The following COPB1 variants were observed in gnomAD, a reference collection of about 807,000 sequenced individuals.
COPB1 encodes coatomer subunit beta.
Under a neutral mutation model 108.7 loss-of-function variants are expected in COPB1, and 21 were observed. The ratio of observed to expected loss-of-function variants is 0.19; its 90% CI spans 0.14 to 0.28. COPB1 has a LOEUF of 0.28. Ranked by LOEUF, COPB1 falls within the 10% of genes least tolerant of loss-of-function variation. The pLI, the probability that COPB1 is intolerant of heterozygous loss-of-function variation, is 1.00. For synonymous variants in COPB1, 378 were observed against 386.8 expected (o/e 0.98, Z 0.27); for missense variants, 919 against 1,141.3 (o/e 0.81, Z 2.81).
At chr11:14,493,903 G>A in intron 3 of COPB1, 92 bp from the exon 4 acceptor site, 3 of 1,163,408 alleles carry the variant, frequency 2.6e-6, no homozygotes, top group East Asian at 5.2e-5. Context: ...AAAAAAATAC[G>A]TTTGAGAAAA....
At chr11:14,485,740 C>A (rs1174487220) in intron 7 of COPB1, among the ~76,000 whole-genome samples, 5 of 151,990 alleles carry the variant, frequency 3.3e-5, no homozygotes. Context: ...CCCAGCTACT[C>A]GGGAAGCTGA....
chr11:14,476,822 A>G (rs1231095276), intron 12 of COPB1, 97 bp downstream of exon 12: 3 of 705,288 alleles, frequency 4.3e-6, no homozygotes, highest in Non-Finnish European at 7.4e-6. Context: ...AATCTAACTC[A>G]GAAGTGTAAA....
intron 1 of COPB1, among the ~76,000 whole-genome samples, chr11:14,499,385 A>G (rs1851100137): frequency 6.6e-6 from 1 of 152,170 alleles, no homozygotes; most frequent in African/African-American, 2.4e-5. Context: ...TTCCGACTCT[A>G]TGTCCGCGGG....
chr11:14,494,326 G>C lies in COPB1; in HGVS notation c.205C>G (p.Leu69Val), dbSNP rs775053882. The C allele has an allele frequency of 6.2e-7, 1 of 1,613,504 alleles. No homozygotes were observed. Among genetic ancestry groups the C allele is most frequent in the South Asian group, 1.1e-5 (1 of 91,070 alleles). Residue 69 changes from leucine (L) to valine (V), a missense_variant, in exon 3 of 22, where the codon CTT (leucine) becomes GTT (valine). Around this residue, in one of 5 missense-constraint regions of COPB1, gnomAD observed 92 missense variants for 108.4 expected, o/e 0.85. Coordinates refer to ENST00000439561, the MANE Select transcript of COPB1 (RefSeq NM_001144061.2). ...LMTIIRFVLPLQDHTIKKLLL... is the reference protein window; with the variant it reads ...LMTIIRFVLPVQDHTIKKLLL... Reference sequence around the variant, plus strand: ...AATTTCTTGATAGTGTGATCCTGAAGAGGTAGCACAAAACGAATGATGGTC... The same window carrying C: ...AATTTCTTGATAGTGTGATCCTGAACAGGTAGCACAAAACGAATGATGGTC...
At chr11:14,477,915 A>G (rs1589960275) in intron 11 of COPB1, among the ~76,000 whole-genome samples, 1 of 150,514 alleles carries the variant, frequency 6.6e-6, no homozygotes, top group East Asian at 1.9e-4. Context: ...AAAAAAAAAA[A>G]GAACTGCCTG....
At chr11:14,487,927 A>G (rs1379231665) in intron 6 of COPB1, among the ~76,000 whole-genome samples, 1 of 152,194 alleles carries the variant, frequency 6.6e-6, no homozygotes, top group Non-Finnish European at 1.5e-5. Flanking sequence ...ATCTTCTTGT[A>G]CCTTTTATCA....
intron 11 of COPB1, 26 bp from the exon 12 acceptor site, chr11:14,477,041 T>C (rs1448031785): frequency 7.1e-7 from 1 of 1,417,706 alleles, no homozygotes; most frequent in Non-Finnish European, 9.9e-7. Context: ...ATCTGAAACA[T>C]GAACTTGGCA....
intron 12 of COPB1, 126 bp downstream of exon 12, chr11:14,476,788 ACACAG>A: frequency 3.3e-6 from 2 of 598,958 alleles, no homozygotes; most frequent in Non-Finnish European, 5.8e-6. Context: ...TTTTTAATAA[ACACAG>A]AACATTTTGT....
At chr11:14,492,774 C>T (rs1850935927) in intron 4 of COPB1, among the ~76,000 whole-genome samples, 1 of 152,192 alleles carries the variant, frequency 6.6e-6, no homozygotes, top group African/African-American at 2.4e-5. Flanking sequence ...CATTGTAGTC[C>T]TTAATAAATT....
At chr11:14,474,893 C>T (rs577148037) in intron 13 of COPB1, among the ~76,000 whole-genome samples, 13 of 151,958 alleles carry the variant, frequency 8.6e-5, no homozygotes, top group Non-Finnish European at 1.8e-4. Context: ...GTCAGGAGTT[C>T]GAGGACAGCC....
At chr11:14,470,420 T>C (rs1435733550) in intron 14 of COPB1, among the ~76,000 whole-genome samples, 1 of 152,220 alleles carries the variant, frequency 6.6e-6, no homozygotes, top group Non-Finnish European at 1.5e-5. Flanking sequence ...GCACCAATCA[T>C]TTCATTCCCT....
At chr11:14,487,533 G>A (rs1209041280) in intron 6 of COPB1, among the ~76,000 whole-genome samples, 1 of 151,988 alleles carries the variant, frequency 6.6e-6, no homozygotes, top group African/African-American at 2.4e-5. Context: ...AAATTAGCTG[G>A]ATACGGTGGC....
intron 4 of COPB1, among the ~76,000 whole-genome samples, chr11:14,491,615 G>A (rs536431575): frequency 8.2e-4 from 123 of 149,094 alleles, no homozygotes; most frequent in South Asian, 2.1e-3. Flanking sequence ...GCTGCAGTAA[G>A]CTGAGATCGT....
chr11:14,499,072 G>A, intron 1 of COPB1, 87 bp from the exon 2 acceptor site: 1 of 628,944 alleles, frequency 1.6e-6, no homozygotes, highest in Non-Finnish European at 2.7e-6. Flanking sequence ...TAAAGTATTA[G>A]AAAGGGCAGG....
intron 3 of COPB1, 54 bp downstream of exon 3, chr11:14,494,156 A>G: frequency 7.9e-7 from 1 of 1,260,780 alleles, no homozygotes; most frequent in Non-Finnish European, 1.1e-6. Context: ...CCATTCTACC[A>G]ATTTTACATT....
At chr11:14,472,983 T>C (rs1321560125) in intron 14 of COPB1, among the ~76,000 whole-genome samples, 4 of 152,158 alleles carry the variant, frequency 2.6e-5, no homozygotes, top group African/African-American at 9.7e-5. Flanking sequence ...TCTTCTTCTT[T>C]TTTTTCCTCG....
intron 21 of COPB1, 63 bp from the exon 22 acceptor site, chr11:14,457,946 ATAT>A (rs1565009075): frequency 3.1e-6 from 3 of 980,214 alleles, no homozygotes; most frequent in Non-Finnish European, 4.5e-6. Context: ...AGGTTATTCC[ATAT>A]TATTAAGCCC....
At position 14,498,782 on chromosome 11, in the gene COPB1, TTTTA is replaced by T. The variant is rs558849000; in HGVS notation, c.91+52_91+55del. The T allele has an allele frequency of 1.3e-4, 186 of 1,405,776 alleles. 3 individuals are homozygous for T. The African/African-American group carries it at 2.3e-3, about 18-fold the overall frequency. The allele number at this position is 1,405,776 out of a possible 1,614,324, so 87.1% of individuals were successfully genotyped here. On this transcript the variant is annotated intron_variant, in intron 2 of 21. Coordinates refer to ENST00000439561, the MANE Select transcript of COPB1 (RefSeq NM_001144061.2). The stretch of plus-strand genomic sequence containing the variant: ...TATAAAGGAATATGAAATATGAGTT[TTTTA>T]TTTTTGTTTTTTCTTTTTTCATTTC...
At chr11:14,466,259 T>C in intron 17 of COPB1, 23 bp downstream of exon 17, 3 of 1,610,816 alleles carry the variant, frequency 1.9e-6, no homozygotes, top group Non-Finnish European at 1.7e-6. Context: ...ACAATCTCTT[T>C]CCTGAATGGT....
Sources: allele counts gnomAD v4.1 joint callset (sites outside exome capture counted in the v4.1 genomes callset), GRCh38; gene constraint gnomAD v4.1.1; regional missense constraint gnomAD v4.1.1; transcripts MANE v1.5; gene names NCBI Gene and HGNC (gene_info 2026-07-23, HGNC 2026-07-21).